Variants in NWD1 observed in about 807,000 individuals in gnomAD.
The protein encoded by NWD1 is NACHT and WD repeat domain containing 1.
In NWD1, 129 loss-of-function variants were observed where a neutral mutation model predicts 135.1. The ratio of observed to expected loss-of-function variants is 0.96; its 90% CI spans 0.83 to 1.11. NWD1 has a LOEUF of 1.11. Among genes scored for constraint, NWD1 ranks in the 50% least tolerant of loss-of-function variants. The pLI, the probability that NWD1 is intolerant of heterozygous loss-of-function variation, is 0.00. For synonymous variants in NWD1, 773 were observed against 786.0 expected (o/e 0.98, Z 0.28); for missense variants, 1,740 against 1,851.3 (o/e 0.94, Z 1.10).
intron 1 of NWD1, among the ~76,000 whole-genome samples, chr19:16,721,891 G>T (rs999767175): frequency 1.3e-5 from 2 of 152,034 alleles, no homozygotes; most frequent in Non-Finnish European, 2.9e-5. Flanking sequence ...CAGGAGGATG[G>T]CTTGAGGCCA....
rs139434213 is a variant in NWD1 at position 16,748,716 on chromosome 19, C to T, written c.497-423C>T. 5.6e-3 allele frequency among the ~76,000 whole-genome samples: 846 copies of T among 152,106 alleles called. 9 individuals carry two copies. Among genetic ancestry groups the T allele is most frequent in the African/African-American group, 0.019 (800 of 41,492 alleles). On this transcript the variant is annotated intron_variant, in intron 5 of 18. Transcript: ENST00000524140. ...GTGCATGCCTGTAATCCCAGCTACT[C>T]GGGAGGCTGAGGTGGAAGGATCGCT...
intron 12 of NWD1, 103 bp from the exon 13 acceptor site, chr19:16,788,879 T>G: frequency 2.6e-6 from 2 of 781,890 alleles, no homozygotes; most frequent in Non-Finnish European, 4.4e-6. Flanking sequence ...ATCCATCTTT[T>G]CTTTGGTAAA....
intron 13 of NWD1, 127 bp downstream of exon 13, chr19:16,789,317 A>G (rs982107424): frequency 2.9e-6 from 2 of 690,748 alleles, no homozygotes; most frequent in Non-Finnish European, 2.5e-6. Context: ...GGAGTACACA[A>G]CCACTTGAGA....
intron 15 of NWD1, 102 bp from the exon 16 acceptor site, chr19:16,797,630 G>C: frequency 9.0e-7 from 1 of 1,115,538 alleles, no homozygotes; most frequent in South Asian, 1.5e-5. Flanking sequence ...TTACAGGCAT[G>C]AACCACCACA....
chr19:16,808,143 G>A lies in NWD1; in HGVS notation c.4287+7G>A, dbSNP rs1356490845. The A allele has an allele frequency of 6.2e-7, 1 of 1,611,300 alleles. No individual in the cohort carries two copies. Among genetic ancestry groups the A allele is most frequent in the African/African-American group, 1.3e-5 (1 of 74,846 alleles). On this transcript the variant is annotated splice_region_variant and intron_variant, in intron 18 of 18. Coordinates refer to ENST00000524140, the MANE Select transcript of NWD1 (RefSeq NM_001007525.5). ...ATTCGAGATGAGCTACACGGTGGGT[G>A]GCCCGCCTCCCCATGTTCATGCTAG... is the stretch of plus-strand genomic sequence containing the variant.
At position 16,817,053 on chromosome 19, in the gene NWD1, C is replaced by G. The variant is rs1971085275; in HGVS notation, c.*2014C>G. On this transcript the variant is annotated 3_prime_UTR_variant, in exon 19 of 19. Transcript: ENST00000524140. ...CAGTGGCTCACACCTGTGGTCCCAG[C>G]TCTTTGGAAGGCCGAGGCAGGTGGA... 1 of 152,104 alleles carries G rather than the reference C, an allele frequency of 6.6e-6. No individual in the cohort carries two copies. The highest frequency in any genetic ancestry group is 1.5e-5 in the Non-Finnish European group (1 of 68,024). 9.4% of individuals were successfully genotyped at this position (152,104 alleles called of 1,614,324 possible).
chr19:16,748,212 G>A (rs1471666286), intron 5 of NWD1, among the ~76,000 whole-genome samples: 1 of 152,092 alleles, frequency 6.6e-6, no homozygotes, highest in Non-Finnish European at 1.5e-5. Flanking sequence ...TCAAACTCCT[G>A]ACTTCAGGTG....
At chr19:16,800,428 C>CT (rs1476896562) in intron 17 of NWD1, among the ~76,000 whole-genome samples, 1 of 74,170 alleles carries the variant, frequency 1.3e-5, no homozygotes, top group African/African-American at 7.5e-5. Context: ...CAGCTACTTG[C>CT]GAGGCTGAGG....
chr19:16,803,456 G>C (rs1225242275), intron 17 of NWD1, among the ~76,000 whole-genome samples: 1 of 152,082 alleles, frequency 6.6e-6, no homozygotes, highest in African/African-American at 2.4e-5. Context: ...CAATCAGGTA[G>C]AAAGTAGCTA....
chr19:16,765,142 T>C lies in NWD1; in HGVS notation c.2360T>C (p.Val787Ala), dbSNP rs565659374. The C allele has an allele frequency of 6.2e-7, 1 of 1,614,128 alleles. No individual in the cohort carries two copies. The highest frequency in any genetic ancestry group is 1.1e-5 in the South Asian group (1 of 91,080). The change falls in exon 10 of 19, where the codon GTC (valine) becomes GCC (alanine). Residue 787 changes from valine (V) to alanine (A), a missense_variant. Val to Ala is a moderately conservative substitution (Grantham distance 64). Transcript: ENST00000524140. ...PHLDSPEVGLVREALQLCRPA... is the reference protein window; with the variant it reads ...PHLDSPEVGLAREALQLCRPA... ...CTGGACTCCCCTGAGGTTGGCCTGG[T>C]CCGTGAAGCCCTCCAGCTCTGCCGC...
At chr19:16,776,200 C>T (rs1336489519) in intron 11 of NWD1, among the ~76,000 whole-genome samples, 1 of 152,046 alleles carries the variant, frequency 6.6e-6, no homozygotes, top group Non-Finnish European at 1.5e-5. Context: ...TCCACTGTGC[C>T]CCGCTGTACA....
intron 2 of NWD1, among the ~76,000 whole-genome samples, chr19:16,724,880 G>T (rs546041080): frequency 2.2e-4 from 34 of 151,892 alleles, no homozygotes; most frequent in African/African-American, 8.0e-4. Context: ...TTTTAGTAGA[G>T]ATGGGGTTTC....
chr19:16,779,833 G>A (rs1035716160), intron 12 of NWD1, among the ~76,000 whole-genome samples: 1 of 151,882 alleles, frequency 6.6e-6, no homozygotes, highest in Non-Finnish European at 1.5e-5. Context: ...ATGGGGTCTT[G>A]CTATGTTGCC....
At chr19:16,807,362 A>C (rs1175500153) in intron 17 of NWD1, among the ~76,000 whole-genome samples, 1 of 151,918 alleles carries the variant, frequency 6.6e-6, no homozygotes, top group Non-Finnish European at 1.5e-5. Context: ...GCGTGGTGGC[A>C]CACACTTGTA....
chr19:16,791,596 G>A lies in NWD1; in HGVS notation c.3187G>A (p.Gly1063Arg), dbSNP rs367619006. Residue 1063 changes from glycine (G) to arginine (R), a missense_variant, in exon 14 of 19, where the codon GGG becomes AGG. Physicochemically the swap from Gly to Arg is moderately radical, Grantham distance 125. Coordinates refer to ENST00000524140, the MANE Select transcript of NWD1 (RefSeq NM_001007525.5). ...SVQKQGKLVTGFSNGSISLVS... is the reference protein window; with the variant it reads ...SVQKQGKLVTRFSNGSISLVS... ...CCAGAAGCAAGGAAAGCTTGTTACC[G>A]GGTTTAGCAATGGCTCCATCTCTTT... 6.2e-6 allele frequency: 10 copies of A among 1,614,034 alleles called. No homozygotes were observed. The highest frequency in any genetic ancestry group is 1.7e-5 in the Admixed American group (1 of 59,998).
At chr19:16,760,229 CATTTTATTTTATTTT>C (rs59527287) in intron 7 of NWD1, among the ~76,000 whole-genome samples, 40,386 of 143,808 alleles carry the variant, frequency 0.28, 5,749 homozygotes, top group Middle Eastern at 0.47. Context: ...TAAAATTCAC[CATTTTATTTTATTTT>C]ATTTTATTTT....
rs548967938 is a variant in NWD1 at position 16,788,421 on chromosome 19, T to C, written c.2732-561T>C. Among the ~76,000 whole-genome samples, 38 of 150,156 alleles carry C rather than the reference T, an allele frequency of 2.5e-4. 1 individual carries two copies. The highest frequency in any genetic ancestry group is 4.2e-4 in the South Asian group (2 of 4,714). ...CGTCTCCACTAAAAATAGAAAAAATTAGCCAGGCATGGCGGCAGGTGCCTG... is the reference window on the plus strand; with the variant it reads ...CGTCTCCACTAAAAATAGAAAAAATCAGCCAGGCATGGCGGCAGGTGCCTG... On this transcript the variant is annotated intron_variant, in intron 12 of 18. Coordinates refer to ENST00000524140, the MANE Select transcript of NWD1 (RefSeq NM_001007525.5).
At chr19:16,769,181 G>A (rs1297168845) in intron 10 of NWD1, among the ~76,000 whole-genome samples, 1 of 152,032 alleles carries the variant, frequency 6.6e-6, no homozygotes, top group African/African-American at 2.4e-5. Flanking sequence ...CCATCAGATG[G>A]CCAGGTGTGG....
intron 6 of NWD1, among the ~76,000 whole-genome samples, chr19:16,755,687 CTTATTTAT>C (rs60291508): frequency 1.5e-4 from 22 of 148,102 alleles, no homozygotes; most frequent in Admixed American, 5.5e-4. Flanking sequence ...CACATCCAGC[CTTATTTAT>C]TTATTTATTT....
Sources: gnomAD v4.1 joint callset for allele counts (sites outside exome capture counted in the v4.1 genomes callset) on GRCh38, gnomAD v4.1.1 for gene constraint, MANE v1.5 for transcripts, NCBI Gene and HGNC (gene_info 2026-07-23, HGNC 2026-07-21) for gene names.